ANKRD30BL: variants seen among roughly 807,000 people sequenced by gnomAD.
The protein encoded by ANKRD30BL is ankyrin repeat domain 30B like.
A neutral mutation model predicts 18.4 loss-of-function variants in ANKRD30BL; 20 were observed. That is an observed-to-expected ratio of 1.09 (90% CI 0.77 to 1.58). ANKRD30BL has a LOEUF of 1.58. ANKRD30BL is among the 40% of genes most tolerant of loss of function. The pLI is 0.00. For missense variants in ANKRD30BL, 224 were observed against 268.6 expected (o/e 0.83, Z 1.16); for synonymous variants, 72 against 100.9 (o/e 0.71, Z 1.72).
At chr2:132,221,385 T>C (rs1255438523) in intron 1 of ANKRD30BL, among the ~76,000 whole-genome samples, 111 of 90,604 alleles carry the variant, frequency 1.2e-3, no homozygotes, top group South Asian at 2.1e-3. Context: ...GTCAGCCCCC[T>C]GCCCGGCCAG....
chr2:132,239,136 A>G (rs1038140644), intron 1 of ANKRD30BL, among the ~76,000 whole-genome samples: 2 of 152,086 alleles, frequency 1.3e-5, no homozygotes, highest in African/African-American at 2.4e-5. Flanking sequence ...ATAGTCACAT[A>G]AAAACTAGAG....
intron 1 of ANKRD30BL, among the ~76,000 whole-genome samples, chr2:132,178,681 G>T (rs4404331): frequency 1.3e-5 from 2 of 151,978 alleles, no homozygotes; most frequent in South Asian, 4.1e-4. Context: ...CTTTAGAAAG[G>T]TTAGTTGTAT....
intron 1 of ANKRD30BL, among the ~76,000 whole-genome samples, chr2:132,167,049 G>A (rs889031166): frequency 6.6e-6 from 1 of 150,594 alleles, no homozygotes; most frequent in African/African-American, 2.4e-5. Context: ...GCATTTAGAT[G>A]TTTTGTTAAG....
At chr2:132,175,734 G>A (rs964291857) in intron 1 of ANKRD30BL, among the ~76,000 whole-genome samples, 6 of 152,206 alleles carry the variant, frequency 3.9e-5, no homozygotes, top group Admixed American at 2.0e-4. Flanking sequence ...AGTGCATTGT[G>A]CCCCTGGTTT....
At position 132,154,838 on chromosome 2, in the gene ANKRD30BL, A is replaced by G. The variant is rs1203652019; in HGVS notation, c.508-70T>C. The G allele has an allele frequency of 5.4e-5, 32 of 595,050 alleles. 1 individual carries two copies. The South Asian group carries it at 6.1e-4, about 11-fold the overall frequency. The allele number at this position is 595,050 out of a possible 1,614,324, so 36.9% of individuals were successfully genotyped here. A position where few individuals can be genotyped will look rare whatever the true frequency, so the allele number is the denominator to read the frequency against. ...TTCTCAGCTGAATTGAATACCTTAT[A>G]TAATATCCTATGAACTTAAACAATG... is the stretch of plus-strand genomic sequence containing the variant. On this transcript the variant is annotated intron_variant, in intron 3 of 5. Coordinates refer to ENST00000409867, the MANE Select transcript of ANKRD30BL (RefSeq NM_001358416.1).
intron 1 of ANKRD30BL, among the ~76,000 whole-genome samples, chr2:132,225,668 A>G (rs1679824775): frequency 6.6e-6 from 1 of 152,078 alleles, no homozygotes; most frequent in African/African-American, 2.4e-5. Flanking sequence ...ATATCTTCAC[A>G]TAAACACTAG....
chr2:132,188,700 C>T (rs1011384612), intron 1 of ANKRD30BL, among the ~76,000 whole-genome samples: 3 of 149,210 alleles, frequency 2.0e-5, no homozygotes, highest in Admixed American at 2.0e-4. Flanking sequence ...ATAGAGCGAG[C>T]CTCTGTCTCA....
intron 1 of ANKRD30BL, among the ~76,000 whole-genome samples, chr2:132,202,199 A>T (rs1679115636): frequency 6.6e-6 from 1 of 152,250 alleles, no homozygotes; most frequent in Admixed American, 6.5e-5. Flanking sequence ...CTAGATGACG[A>T]GTTAGTGGGT....
At chr2:132,216,579 A>C (rs572827037) in intron 1 of ANKRD30BL, among the ~76,000 whole-genome samples, 14 of 152,278 alleles carry the variant, frequency 9.2e-5, no homozygotes, top group Middle Eastern at 3.4e-3. Flanking sequence ...TGATGTGTGC[A>C]GTCATCTCAC....
intron 1 of ANKRD30BL, among the ~76,000 whole-genome samples, chr2:132,202,144 G>A (rs1421868969): frequency 4.0e-5 from 6 of 149,890 alleles, no homozygotes; most frequent in African/African-American, 1.3e-4. Context: ...GCCTGTTGTG[G>A]GGTGGAGGCA....
At chr2:132,193,102 G>A (rs1289701565) in intron 1 of ANKRD30BL, among the ~76,000 whole-genome samples, 1 of 152,158 alleles carries the variant, frequency 6.6e-6, no homozygotes, top group Non-Finnish European at 1.5e-5. Flanking sequence ...CACAGAAGAG[G>A]CACTCAATAA....
intron 1 of ANKRD30BL, among the ~76,000 whole-genome samples, chr2:132,218,209 A>T (rs1426024866): frequency 6.6e-6 from 1 of 152,282 alleles, no homozygotes; most frequent in Non-Finnish European, 1.5e-5. Flanking sequence ...TTGATACAGC[A>T]GCTTTGAAAC....
chr2:132,231,381 T>C (rs1450993625), intron 1 of ANKRD30BL, among the ~76,000 whole-genome samples: 1 of 152,092 alleles, frequency 6.6e-6, no homozygotes, highest in Admixed American at 6.6e-5. Flanking sequence ...GCTCCCAGCG[T>C]GAGCGACGCA....
chr2:132,227,218 C>T (rs1448140556), intron 1 of ANKRD30BL, among the ~76,000 whole-genome samples: 1 of 152,062 alleles, frequency 6.6e-6, no homozygotes, highest in East Asian at 1.9e-4. Context: ...CACATAAATA[C>T]TAGACAGAAG....
rs1393354968 is a variant in ANKRD30BL, at chr2:132,161,698, C to T, written c.8G>A (p.Arg3Lys). ME[R>K]LSAAPVKGQT... ...GCCCTTGACAGGGGCGGCAGAGAGC[C>T]TCTCCATGGCTGCAGCCACCTGCTA... The change falls in exon 1 of 6, where the codon AGG (arginine) becomes AAG (lysine). Residue 3 changes from arginine to lysine, a missense_variant. This residue lies in a region of ANKRD30BL where 131 missense variants were observed against 128.8 expected (regional missense o/e 1.02). Transcript: ENST00000409867. 4 of 1,431,180 alleles carry T rather than the reference C, an allele frequency of 2.8e-6. No individual in the cohort carries two copies. Among genetic ancestry groups the T allele is most frequent in the Admixed American group, 2.0e-5 (1 of 50,814 alleles). The allele number at this position is 1,431,180 out of a possible 1,614,324, so 88.7% of individuals were successfully genotyped here.
chr2:132,248,424 C>T (rs1342253886), intron 1 of ANKRD30BL, among the ~76,000 whole-genome samples: 2 of 151,964 alleles, frequency 1.3e-5, no homozygotes, highest in Non-Finnish European at 2.9e-5. Context: ...ATGCTTCTGT[C>T]TAGTTTTTAT....
At chr2:132,222,829 C>CAA (rs1558942311) in intron 1 of ANKRD30BL, among the ~76,000 whole-genome samples, 1 of 4,102 alleles carries the variant, frequency 2.4e-4, no homozygotes, top group Non-Finnish European at 7.7e-4. Context: ...CAAGAATGAT[C>CAA]AATAAAAAAA....
chr2:132,218,108 C>G (rs368236531), intron 1 of ANKRD30BL, among the ~76,000 whole-genome samples: 276 of 151,850 alleles, frequency 1.8e-3, no homozygotes, highest in African/African-American at 6.4e-3. Flanking sequence ...TCATTGGAAA[C>G]GGGTATATCT....
At chr2:132,203,890 A>G (rs964028041) in intron 1 of ANKRD30BL, among the ~76,000 whole-genome samples, 1 of 152,144 alleles carries the variant, frequency 6.6e-6, no homozygotes, top group African/African-American at 2.4e-5. Flanking sequence ...ATGTTTAGAT[A>G]CTTTCAGATG....
Sources: gnomAD v4.1 joint callset for allele counts (sites outside exome capture counted in the v4.1 genomes callset) on GRCh38, gnomAD v4.1.1 for gene constraint, gnomAD v4.1.1 regional missense constraint, MANE v1.5 for transcripts, NCBI Gene and HGNC (gene_info 2026-07-23, HGNC 2026-07-21) for gene names.